The following DDX10 variants were observed in gnomAD, a reference collection of about 807,000 sequenced individuals.
The protein encoded by DDX10 is probable ATP-dependent RNA helicase DDX10.
DDX10 carries 74 observed loss-of-function variants against 104.3 expected under a neutral mutation model. The observed-to-expected ratio is 0.71, with a 90% CI of 0.59 to 0.86. The LOEUF is 0.86. Ranked by LOEUF, DDX10 falls within the 40% of genes least tolerant of loss-of-function variation. DDX10 has a pLI of 0.00. For synonymous variants in DDX10, 351 were observed against 353.4 expected, an observed-to-expected ratio of 0.99 and a Z score of 0.08; for missense variants, 952 against 1,040.0, an observed-to-expected ratio of 0.92 and a Z score of 1.16.
At chr11:108,665,831 C>T (rs1031152369) in intron 1 of DDX10, among the ~76,000 whole-genome samples, 1 of 152,142 alleles carries the variant, frequency 6.6e-6, no homozygotes, top group Non-Finnish European at 1.5e-5. Context: ...AATCCCAAAG[C>T]CTTTGCTTTT....
At chr11:108,869,545 G>T (rs1157505210) in intron 16 of DDX10, among the ~76,000 whole-genome samples, 1 of 151,912 alleles carries the variant, frequency 6.6e-6, no homozygotes, top group Non-Finnish European at 1.5e-5. Context: ...TATTTTGGGG[G>T]AATTTCTTAC....
chr11:108,935,852 T>C (rs1488238446), intron 17 of DDX10, among the ~76,000 whole-genome samples: 1 of 152,156 alleles, frequency 6.6e-6, no homozygotes, highest in Non-Finnish European at 1.5e-5. Context: ...TTTTCAATGA[T>C]AATGGTCCCA....
intron 10 of DDX10, among the ~76,000 whole-genome samples, chr11:108,708,353 T>C (rs1421327826): frequency 2.0e-5 from 3 of 151,008 alleles, no homozygotes; most frequent in Admixed American, 2.0e-4. Context: ...GGTCTTTTTT[T>C]TTTTTTTTTG....
intron 6 of DDX10, among the ~76,000 whole-genome samples, chr11:108,685,283 T>A (rs1270676978): frequency 6.6e-6 from 1 of 150,526 alleles, no homozygotes; most frequent in Non-Finnish European, 1.5e-5. Flanking sequence ...CGGGTGGGAG[T>A]GACCCGATTT....
At chr11:108,850,526 C>T (rs981726619) in intron 15 of DDX10, among the ~76,000 whole-genome samples, 3 of 152,036 alleles carry the variant, frequency 2.0e-5, no homozygotes, top group Admixed American at 6.6e-5. Context: ...CAAAAATTTG[C>T]ATGGCTTTTA....
In DDX10 at chr11:108,682,357, G is replaced by A. The variant is rs181872334; in HGVS notation, c.848+2797G>A. Among the ~76,000 whole-genome samples, 10 of 152,180 alleles carry A rather than the reference G, an allele frequency of 6.6e-5. 1 individual carries two copies. The highest frequency in any genetic ancestry group is 2.4e-4 in the African/African-American group (10 of 41,520). On this transcript the variant is annotated intron_variant, in intron 6 of 17. Coordinates refer to ENST00000322536, the MANE Select transcript of DDX10 (RefSeq NM_004398.4). ...TAACCTCAGGTGATCCACCCGCCTC[G>A]GCCTCCCACAGTGCTGGGATTACAG...
chr11:108,871,611 C>CT (rs1026961178), intron 16 of DDX10, among the ~76,000 whole-genome samples: 2 of 152,194 alleles, frequency 1.3e-5, no homozygotes, highest in African/African-American at 2.4e-5. Context: ...CATCCTCCTC[C>CT]TTACCAGTCC....
At chr11:108,825,873 CTT>C (rs1269364922) in intron 13 of DDX10, among the ~76,000 whole-genome samples, 7 of 152,056 alleles carry the variant, frequency 4.6e-5, no homozygotes, top group Non-Finnish European at 1.0e-4. Flanking sequence ...AAATGAGTAA[CTT>C]TGATAGGAAA....
intron 13 of DDX10, among the ~76,000 whole-genome samples, chr11:108,759,738 T>C (rs773764645): frequency 6.6e-6 from 1 of 151,966 alleles, no homozygotes; most frequent in Admixed American, 6.6e-5. Context: ...ATGGATAATA[T>C]CTCACGACTA....
At chr11:108,736,218 A>G (rs1591804961) in intron 13 of DDX10, among the ~76,000 whole-genome samples, 1 of 104,578 alleles carries the variant, frequency 9.6e-6, no homozygotes. Context: ...GGATTATTTT[A>G]TCTTTTAATA....
At chr11:108,715,532 A>G (rs1245317704) in intron 10 of DDX10, among the ~76,000 whole-genome samples, 1 of 152,172 alleles carries the variant, frequency 6.6e-6, no homozygotes, top group African/African-American at 2.4e-5. Flanking sequence ...TCTTAAAAAA[A>G]TTAGATTTAA....
chr11:108,686,453 C>T (rs911121018), intron 6 of DDX10, among the ~76,000 whole-genome samples: 1 of 152,222 alleles, frequency 6.6e-6, no homozygotes, highest in African/African-American at 2.4e-5. Context: ...ATAGTGTCAT[C>T]TTTTCAGAAT....
chr11:108,850,148 T>G (rs570449870), intron 15 of DDX10, among the ~76,000 whole-genome samples: 7 of 152,266 alleles, frequency 4.6e-5, no homozygotes, highest in Non-Finnish European at 8.8e-5. Context: ...CTTGGTAACA[T>G]TCACTTCATG....
intron 1 of DDX10, 106 bp downstream of exon 1, chr11:108,665,445 C>A: frequency 7.5e-7 from 1 of 1,341,354 alleles, no homozygotes; most frequent in South Asian, 1.6e-5. Flanking sequence ...CACCGGGACC[C>A]GGCCGGGAAT....
At chr11:108,739,381 G>T (rs1313841532) in intron 13 of DDX10, among the ~76,000 whole-genome samples, 1 of 152,184 alleles carries the variant, frequency 6.6e-6, no homozygotes, top group Non-Finnish European at 1.5e-5. Flanking sequence ...CTTTTCTGGG[G>T]CTAAGTATTC....
At chr11:108,745,175 T>TA (rs2094330225) in intron 13 of DDX10, among the ~76,000 whole-genome samples, 1 of 78,928 alleles carries the variant, frequency 1.3e-5, no homozygotes, top group South Asian at 6.4e-4. Flanking sequence ...CCTTCCTCCC[T>TA]CCCCTCCCCT....
intron 13 of DDX10, among the ~76,000 whole-genome samples, chr11:108,811,988 C>G (rs533056202): frequency 6.6e-6 from 1 of 152,150 alleles, no homozygotes; most frequent in South Asian, 2.1e-4. Flanking sequence ...TGTGGAAGAT[C>G]TTGATCTTTT....
At chr11:108,911,435 G>A (rs986988321) in intron 16 of DDX10, among the ~76,000 whole-genome samples, 7 of 151,798 alleles carry the variant, frequency 4.6e-5, no homozygotes, top group African/African-American at 1.7e-4. Context: ...TTCTTGCTGT[G>A]TTCTTCACGT....
chr11:108,815,582 T>G (rs1483770357), intron 13 of DDX10, among the ~76,000 whole-genome samples: 1 of 152,234 alleles, frequency 6.6e-6, no homozygotes, highest in Non-Finnish European at 1.5e-5. Context: ...AATGTCATAA[T>G]TAAGAGCTTA....
Sources: allele counts gnomAD v4.1 joint callset (sites outside exome capture counted in the v4.1 genomes callset), GRCh38; gene constraint gnomAD v4.1.1; transcripts MANE v1.5; gene names NCBI Gene and HGNC (gene_info 2026-07-23, HGNC 2026-07-21).